The following CTNND2 variants were observed in gnomAD, a reference collection of about 807,000 sequenced individuals.
The protein encoded by CTNND2 is catenin delta 2, also known as catenin delta-2.
CTNND2 carries 22 observed loss-of-function variants against 144.4 expected under a neutral mutation model. That is an observed-to-expected ratio of 0.15 (90% confidence interval 0.11 to 0.22). The LOEUF (loss-of-function observed/expected upper bound fraction) is 0.22, where lower values mean the gene tolerates loss of function less well. CTNND2 is among the 10% of genes least tolerant of loss of function. The probability of loss-of-function intolerance (pLI) is 1.00; values close to 1 mark genes in which losing one functional copy is unlikely to be tolerated. For synonymous variants in CTNND2, 751 were observed against 695.6 expected, an observed-to-expected ratio of 1.08 and a Z score of -1.25; for missense variants, 1,353 against 1,618.8, an observed-to-expected ratio of 0.84 and a Z score of 2.82.
At chr5:11,166,841 T>C (rs1337251425) in intron 11 of CTNND2, among the ~76,000 whole-genome samples, 1 of 151,842 alleles carries the variant, frequency 6.6e-6, no homozygotes, top group African/African-American at 2.4e-5. Flanking sequence ...CTAATGGAGA[T>C]CATTTTGAGA....
At chr5:11,385,337 C>A (rs1394360538) in intron 6 of CTNND2, 108 bp from the exon 7 acceptor site, 4 of 742,576 alleles carry the variant, frequency 5.4e-6, no homozygotes, top group African/African-American at 3.8e-5. Context: ...ATGCCGCGGG[C>A]GCCCGGCGGC....
At chr5:11,605,395 G>A (rs1028106436) in intron 2 of CTNND2, among the ~76,000 whole-genome samples, 1 of 152,208 alleles carries the variant, frequency 6.6e-6, no homozygotes, top group African/African-American at 2.4e-5. Flanking sequence ...AAATGAAGAA[G>A]ATGGTTTCTC....
intron 2 of CTNND2, among the ~76,000 whole-genome samples, chr5:11,716,023 C>G (rs978005593): frequency 7.9e-5 from 12 of 152,124 alleles, no homozygotes; most frequent in African/African-American, 2.9e-4. Flanking sequence ...CATGAAAGGA[C>G]TCAGAAAAAA....
At chr5:11,229,139 C>T (rs1250797064) in intron 10 of CTNND2, among the ~76,000 whole-genome samples, 1 of 152,086 alleles carries the variant, frequency 6.6e-6, no homozygotes, top group Non-Finnish European at 1.5e-5. Context: ...GGTCACCGGA[C>T]ATTTCTATCA....
At chr5:11,117,274 C>A (rs1024636989) in intron 13 of CTNND2, among the ~76,000 whole-genome samples, 176 bp downstream of exon 13, 9 of 152,080 alleles carry the variant, frequency 5.9e-5, no homozygotes, top group Admixed American at 4.6e-4. Flanking sequence ...ATATCTAGAT[C>A]CATGCTAGAA....
chr5:11,395,955 A>G (rs1365073408), intron 6 of CTNND2, among the ~76,000 whole-genome samples: 3 of 152,228 alleles, frequency 2.0e-5, no homozygotes, highest in African/African-American at 7.2e-5. Flanking sequence ...ACAAACATGA[A>G]AAAAGTCCTG....
At chr5:10,976,103 G>A (rs1736436862) in intron 21 of CTNND2, among the ~76,000 whole-genome samples, 1 of 152,134 alleles carries the variant, frequency 6.6e-6, no homozygotes, top group African/African-American at 2.4e-5. Context: ...CACCCGGAGA[G>A]ACAGAATTTG....
chr5:11,360,093 C>T (rs997088869), intron 8 of CTNND2, among the ~76,000 whole-genome samples: 5 of 152,024 alleles, frequency 3.3e-5, no homozygotes, highest in Admixed American at 6.6e-5. Context: ...GACAGTAGTG[C>T]GCATCTGAGT....
chr5:11,713,076 C>T (rs925811978), intron 2 of CTNND2, among the ~76,000 whole-genome samples: 3 of 152,106 alleles, frequency 2.0e-5, no homozygotes, highest in Admixed American at 2.0e-4. Context: ...TAGGATATTC[C>T]TCTCCTTATG....
rs1754821349 is a variant in CTNND2 at position 11,346,637 on chromosome 5, G to A, written c.1373-10C>T. 1 of 1,455,688 alleles carries A rather than the reference G, an allele frequency of 6.9e-7. No individual in the cohort carries two copies. The highest frequency in any genetic ancestry group is 9.1e-7 in the Non-Finnish European group (1 of 1,100,530). 90.2% of individuals were successfully genotyped at this position (1,455,688 alleles called of 1,614,324 possible). A position where few individuals can be genotyped will look rare whatever the true frequency, so the allele number is the denominator to read the frequency against. Reference sequence around the variant, plus strand: ...CCAGGGGAAGATGGGGCTACGACAGGAAAGTAGGGACAAAGTAAAAAATTG... The same window carrying A: ...CCAGGGGAAGATGGGGCTACGACAGAAAAGTAGGGACAAAGTAAAAAATTG... On this transcript the variant is annotated splice_polypyrimidine_tract_variant and intron_variant, in intron 8 of 21. Coordinates refer to ENST00000304623, the MANE Select transcript of CTNND2 (RefSeq NM_001332.4).
chr5:11,285,237 C>T (rs973080929), intron 9 of CTNND2, among the ~76,000 whole-genome samples: 14 of 152,168 alleles, frequency 9.2e-5, no homozygotes, highest in Non-Finnish European at 2.1e-4. Flanking sequence ...TTTTCATCCA[C>T]TGACCCCACC....
At chr5:11,671,503 C>T (rs528601837) in intron 2 of CTNND2, among the ~76,000 whole-genome samples, 3 of 151,778 alleles carry the variant, frequency 2.0e-5, no homozygotes, top group Admixed American at 6.6e-5. Context: ...CTAATCTTGT[C>T]TTCTCACTTT....
intron 3 of CTNND2, among the ~76,000 whole-genome samples, chr5:11,459,295 T>C (rs1412652576): frequency 6.6e-6 from 1 of 151,886 alleles, no homozygotes; most frequent in African/African-American, 2.4e-5. Flanking sequence ...AAGACCAGAG[T>C]TCTAGATTTT....
rs191776595 is a variant in CTNND2 at position 11,206,109 on chromosome 5, C to T, written c.1762-6448G>A. Among the ~76,000 whole-genome samples, 8 of 152,216 alleles carry T rather than the reference C, an allele frequency of 5.3e-5. 1 individual carries two copies. Among genetic ancestry groups the T allele is most frequent in the East Asian group, 1.9e-4 (1 of 5,182 alleles). ...GGATATTCTTAATTGCTTTCTTACC[C>T]GGCCAAAATACAAATTAATTTAATA... On this transcript the variant is annotated intron_variant, in intron 10 of 21. Coordinates refer to ENST00000304623, the MANE Select transcript of CTNND2 (RefSeq NM_001332.4).
At chr5:11,749,338 T>C (rs1427833697) in intron 1 of CTNND2, among the ~76,000 whole-genome samples, 1 of 152,010 alleles carries the variant, frequency 6.6e-6, no homozygotes, top group Non-Finnish European at 1.5e-5. Flanking sequence ...ATATTGAGCG[T>C]AGTGACAATC....
chr5:11,284,385 T>C (rs917611440), intron 9 of CTNND2, among the ~76,000 whole-genome samples: 2 of 152,168 alleles, frequency 1.3e-5, no homozygotes, highest in East Asian at 1.9e-4. Flanking sequence ...AGGCTCAACA[T>C]GCATTAGCTC....
intron 14 of CTNND2, among the ~76,000 whole-genome samples, chr5:11,110,152 A>G (rs1752815541): frequency 6.6e-6 from 1 of 152,254 alleles, no homozygotes; most frequent in South Asian, 2.1e-4. Flanking sequence ...GGGCTCCCCA[A>G]GACAGGAGCA....
At chr5:11,344,478 T>C (rs1754578690) in intron 9 of CTNND2, among the ~76,000 whole-genome samples, 1 of 152,192 alleles carries the variant, frequency 6.6e-6, no homozygotes, top group African/African-American at 2.4e-5. Flanking sequence ...TTATGCTCCA[T>C]ACATTTTGCA....
At chr5:11,653,930 T>A (rs1782782046) in intron 2 of CTNND2, among the ~76,000 whole-genome samples, 1 of 151,988 alleles carries the variant, frequency 6.6e-6, no homozygotes, top group Non-Finnish European at 1.5e-5. Context: ...TGGTTTAAGA[T>A]TAAGGGTTCA....
Sources: allele counts gnomAD v4.1 joint callset (sites outside exome capture counted in the v4.1 genomes callset), GRCh38; gene constraint gnomAD v4.1.1; transcripts MANE v1.5; gene names NCBI Gene and HGNC (gene_info 2026-07-23, HGNC 2026-07-21).